CELF2: variants seen among roughly 807,000 people sequenced by gnomAD.
CELF2 encodes CUG triplet repeat RNA-binding protein 2.
In CELF2, 8 loss-of-function variants were observed where a neutral mutation model predicts 62.6. The ratio of observed to expected loss-of-function variants is 0.13; its 90% CI spans 0.07 to 0.23. The LOEUF is 0.23. CELF2 is among the 10% of genes least tolerant of loss of function. The pLI, the probability that CELF2 is intolerant of heterozygous loss-of-function variation, is 1.00. For synonymous variants in CELF2, 258 were observed against 250.0 expected, an observed-to-expected ratio of 1.03 and a Z score of -0.30; for missense variants, 333 against 671.0, an observed-to-expected ratio of 0.50 and a Z score of 5.56.
chr10:10,803,571 C>G (rs2054888895), intron 1 of CELF2, among the ~76,000 whole-genome samples: 1 of 152,182 alleles, frequency 6.6e-6, no homozygotes, highest in African/African-American at 2.4e-5. Flanking sequence ...AGTTTAAAGC[C>G]AAAAGTCAAC....
intron 1 of CELF2, among the ~76,000 whole-genome samples, chr10:11,080,138 A>C (rs908267896): frequency 1.3e-5 from 2 of 152,218 alleles, no homozygotes; most frequent in Non-Finnish European, 1.5e-5. Context: ...ACCTTGAGCA[A>C]ATCATTTAAC....
intron 1 of CELF2, among the ~76,000 whole-genome samples, chr10:11,107,203 G>A (rs564752467): frequency 6.6e-6 from 1 of 152,332 alleles, no homozygotes; most frequent in Admixed American, 6.5e-5. Flanking sequence ...AGGTGTCCCT[G>A]AGGCCTGGTG....
the CELF2 span, among the ~76,000 whole-genome samples, chr10:10,716,927 A>G: frequency 6.6e-6 from 1 of 152,236 alleles, no homozygotes; most frequent in Non-Finnish European, 1.5e-5. Flanking sequence ...TACCAGTGAA[A>G]TGCTCGTGTA....
rs183836992 is a variant in CELF2 at position 11,224,673 on chromosome 10, A to G, written c.354+7166A>G. 2.6e-5 allele frequency among the ~76,000 whole-genome samples: 4 copies of G among 152,338 alleles called. No homozygotes were observed. Among genetic ancestry groups the G allele is most frequent in the Admixed American group, 2.6e-4 (4 of 15,300 alleles). On this transcript the variant is annotated intron_variant, in intron 3 of 12. Transcript: ENST00000633077. This position sits in a 1 kb window ranked among gnomAD's most constrained non-coding sequence, Gnocchi z 4.5. ...GTCATTAGCGTATAGGGTTTCCATG[A>G]GAACTCATCTCTGAGAATATCATAT...
chr10:10,532,562 T>C, the CELF2 span, among the ~76,000 whole-genome samples: 3 of 152,192 alleles, frequency 2.0e-5, no homozygotes, highest in African/African-American at 7.2e-5. Flanking sequence ...TATATAATCT[T>C]ACATTGAGAG....
At chr10:10,836,476 G>T (rs1446606450) in intron 1 of CELF2, among the ~76,000 whole-genome samples, 1 of 152,152 alleles carries the variant, frequency 6.6e-6, no homozygotes, top group South Asian at 2.1e-4. Flanking sequence ...AACAACCAAC[G>T]CATTGGTGGC....
chr10:10,798,866 A>T, intron 1 of CELF2: 1 of 398,986 alleles, frequency 2.5e-6, no homozygotes, highest in Non-Finnish European at 4.4e-6. Flanking sequence ...TTCATAGCCA[A>T]GGCCCTGCTC....
intron 1 of CELF2, among the ~76,000 whole-genome samples, chr10:11,126,207 C>T (rs2058671206): frequency 6.6e-6 from 1 of 152,162 alleles, no homozygotes; most frequent in Admixed American, 6.5e-5. Flanking sequence ...AATTTTCTGC[C>T]TTTCACAGCA....
chr10:11,042,447 C>T (rs972069038), intron 1 of CELF2, among the ~76,000 whole-genome samples: 1 of 152,216 alleles, frequency 6.6e-6, no homozygotes, highest in South Asian at 2.1e-4. Flanking sequence ...ACAGCATAGA[C>T]TCACATTGAT....
chr10:10,538,582 C>A, the CELF2 span, among the ~76,000 whole-genome samples: 1 of 152,110 alleles, frequency 6.6e-6, no homozygotes, highest in Admixed American at 6.5e-5. Flanking sequence ...GTCCTCCCAC[C>A]CCTATCCCCT....
At chr10:10,775,176 G>A in the CELF2 span, among the ~76,000 whole-genome samples, 10 of 152,092 alleles carry the variant, frequency 6.6e-5, no homozygotes, top group South Asian at 2.1e-4. Flanking sequence ...AGTGCCTAGC[G>A]TGAGGTCATG....
At chr10:10,736,396 C>CTTTCTTTCTT in the CELF2 span, among the ~76,000 whole-genome samples, 332 of 75,934 alleles carry the variant, frequency 4.4e-3, no homozygotes, top group Non-Finnish European at 5.9e-3. Flanking sequence ...TTCTTTCTTT[C>CTTTCTTTCTT]TTTTTTTTTT....
Position 11,257,826 on chromosome 10 carries a change from G to A in CELF2, c.492G>A (p.Gln164=), listed in dbSNP as rs1344335239. The stretch of plus-strand genomic sequence containing the variant: ...GGGTGATGTTCTCTCCATTTGGCCA[G>A]ATAGAAGAATGCCGGATCCTCCGGG... ...DIRVMFSPFG[Q]IEECRILRGP... The change falls in exon 5 of 13, where the codon CAG becomes CAA. Residue 164 remains glutamine (Q), a synonymous_variant. Coordinates refer to ENST00000633077, the MANE Select transcript of CELF2 (RefSeq NM_001326342.2). 1.2e-6 allele frequency: 2 copies of A among 1,614,246 alleles called. No homozygotes were observed. Among genetic ancestry groups the A allele is most frequent in the Non-Finnish European group, 1.7e-6 (2 of 1,180,034 alleles).
chr10:10,866,198 C>A (rs1366516110), intron 1 of CELF2, among the ~76,000 whole-genome samples: 2 of 152,174 alleles, frequency 1.3e-5, no homozygotes, highest in African/African-American at 4.8e-5. Context: ...CCATTCCATA[C>A]AATTGGACAA....
At chr10:10,561,944 A>ATAAGACTGGCTCAC in the CELF2 span, among the ~76,000 whole-genome samples, 1 of 152,114 alleles carries the variant, frequency 6.6e-6, no homozygotes, top group African/African-American at 2.4e-5. Context: ...CCTTGACTTC[A>ATAAGACTGGCTCAC]TTTCTTCATA....
At chr10:10,498,191 C>A in the CELF2 span, among the ~76,000 whole-genome samples, 1 of 152,218 alleles carries the variant, frequency 6.6e-6, no homozygotes, top group African/African-American at 2.4e-5. Context: ...AGGAAAGAGG[C>A]GGAAGGCGCC....
At chr10:10,543,212 C>G in the CELF2 span, among the ~76,000 whole-genome samples, 1 of 152,170 alleles carries the variant, frequency 6.6e-6, no homozygotes, top group Non-Finnish European at 1.5e-5. Context: ...AATGGTTGGT[C>G]TCATTCCTCA....
chr10:10,737,547 T>A, the CELF2 span, among the ~76,000 whole-genome samples: 1 of 152,124 alleles, frequency 6.6e-6, no homozygotes. Flanking sequence ...GCACGCAAGA[T>A]GGAATACATT....
chr10:10,505,384 C>A, the CELF2 span, among the ~76,000 whole-genome samples: 1 of 152,082 alleles, frequency 6.6e-6, no homozygotes, highest in Admixed American at 6.6e-5. Context: ...GTGAGGGTGA[C>A]TTTATTACCA....
Sources: gnomAD v4.1 joint callset for allele counts (sites outside exome capture counted in the v4.1 genomes callset) on GRCh38, gnomAD v4.1.1 for gene constraint, Gnocchi (gnomAD v3.1) non-coding constraint, MANE v1.5 for transcripts, NCBI Gene and HGNC (gene_info 2026-07-23, HGNC 2026-07-21) for gene names.